The following NFIX variants were observed in gnomAD, a reference collection of about 807,000 sequenced individuals.
NFIX encodes the protein nuclear factor I X.
In NFIX, 2 loss-of-function variants were observed where a neutral mutation model predicts 53.3. The ratio of observed to expected loss-of-function variants is 0.04; its 90% CI spans 0.02 to 0.12. NFIX has a LOEUF of 0.12. NFIX is among the 10% of genes least tolerant of loss of function. The pLI, the probability that NFIX is intolerant of heterozygous loss-of-function variation, is 1.00. For missense variants in NFIX, 310 were observed against 674.5 expected, an observed-to-expected ratio of 0.46 and a Z score of 5.99; for synonymous variants, 244 against 289.0, an observed-to-expected ratio of 0.84 and a Z score of 1.58.
Position 13,066,806 on chromosome 19 carries a change from A to T in NFIX, c.560-6241A>T, listed in dbSNP as rs1250064671. On this transcript the variant is annotated intron_variant, in intron 2 of 10. Coordinates refer to ENST00000592199, the MANE Select transcript of NFIX (RefSeq NM_001365902.3). This position sits in a 1 kb window ranked among gnomAD's most constrained non-coding sequence, Gnocchi z 4.2. ...GCTGGTGGAGCAGGGTGAGGAATGG[A>T]GAGAAGGAGAGGAAGATCCTAGAAG... is the stretch of plus-strand genomic sequence containing the variant. Among the ~76,000 whole-genome samples the T allele has an allele frequency of 6.6e-6, 1 of 151,984 alleles. No homozygotes were observed. Among genetic ancestry groups the T allele is most frequent in the East Asian group, 1.9e-4 (1 of 5,178 alleles).
intron 8 of NFIX, among the ~76,000 whole-genome samples, chr19:13,085,069 C>CA (rs555726363): frequency 0.06 from 3,262 of 54,248 alleles, 151 homozygotes; most frequent in African/African-American, 0.15. Flanking sequence ...GACTCCATCT[C>CA]AAAAAAAAAA....
chr19:13,063,429 G>A (rs1035979885), intron 2 of NFIX, among the ~76,000 whole-genome samples: 2 of 152,074 alleles, frequency 1.3e-5, no homozygotes. Context: ...CAGCCCAGCA[G>A]TTGTGCACAC....
intron 2 of NFIX, among the ~76,000 whole-genome samples, chr19:13,062,443 C>A (rs1482887443): frequency 6.6e-6 from 1 of 152,222 alleles, no homozygotes; most frequent in Non-Finnish European, 1.5e-5. Context: ...TCATCCACTG[C>A]AGCTGTGCTT....
At chr19:13,048,227 T>G (rs2015109774) in intron 2 of NFIX, among the ~76,000 whole-genome samples, 1 of 152,206 alleles carries the variant, frequency 6.6e-6, no homozygotes, top group South Asian at 2.1e-4. Flanking sequence ...CCTTGTGAAC[T>G]CTAAACTCTT....
In NFIX at chr19:13,081,849, C is replaced by G. The variant is rs372077833; in HGVS notation, c.1248C>G (p.Thr416=). Residue 416 remains threonine, a synonymous_variant, in exon 8 of 11, where the codon ACC becomes ACG. Transcript: ENST00000592199. The surrounding 1 kb of genome is among the most constrained non-coding windows in gnomAD (Gnocchi z 4.7). ...GCTCGGATGGCTCGGGCCAGGCCAC[C>G]GGACAGGTGAGTCCAGAGGGCCCCA... ...FVCSDGSGQA[T]GQPNGSGQGK... 89 of 1,613,754 alleles carry G rather than the reference C, an allele frequency of 5.5e-5. No individual in the cohort carries two copies. Among genetic ancestry groups the G allele is most frequent in the Non-Finnish European group, 7.5e-5 (88 of 1,179,892 alleles).
At chr19:13,039,788 T>G (rs558480916) in intron 2 of NFIX, among the ~76,000 whole-genome samples, 1 of 152,230 alleles carries the variant, frequency 6.6e-6, no homozygotes, top group Non-Finnish European at 1.5e-5. Context: ...TATCCGCCTT[T>G]GCATCTGTCT....
intron 2 of NFIX, among the ~76,000 whole-genome samples, chr19:13,047,763 G>GCT (rs1168531446): frequency 6.6e-6 from 1 of 152,064 alleles, no homozygotes; most frequent in Non-Finnish European, 1.5e-5. Context: ...CATGTCCCCT[G>GCT]CTCTCTCTCT....
rs1347446903 is a variant in NFIX, at chr19:13,005,255, A to G, written c.27+9391A>G. On this transcript the variant is annotated intron_variant, in intron 1 of 10. Transcript: ENST00000592199. The surrounding 1 kb of genome is among the most constrained non-coding windows in gnomAD (Gnocchi z 4.7). ...GGTAGAAGAAGATAGGATAATAGCA[A>G]AATAAATGTTTGTCCTAAAAATCGT... Among the ~76,000 whole-genome samples, 1 of 152,264 alleles carries G rather than the reference A, an allele frequency of 6.6e-6. No homozygotes were observed.
In NFIX at chr19:13,060,435, G is replaced by C. The variant is rs755324670; in HGVS notation, c.560-12612G>C. Among the ~76,000 whole-genome samples, 5 of 152,184 alleles carry C rather than the reference G, an allele frequency of 3.3e-5. No individual in the cohort carries two copies. The highest frequency in any genetic ancestry group is 5.9e-5 in the Non-Finnish European group (4 of 68,026). On this transcript the variant is annotated intron_variant, in intron 2 of 10. Coordinates refer to ENST00000592199, the MANE Select transcript of NFIX (RefSeq NM_001365902.3). The surrounding 1 kb of genome is among the most constrained non-coding windows in gnomAD (Gnocchi z 4.3). The stretch of plus-strand genomic sequence containing the variant: ...GCCAGCCTTGCCTCCTGGGGCATCA[G>C]CTCCCAGCTTGTGCTGCACCCTCTG...
chr19:13,046,740 G>A (rs1308869415), intron 2 of NFIX, among the ~76,000 whole-genome samples: 1 of 152,150 alleles, frequency 6.6e-6, no homozygotes, highest in Non-Finnish European at 1.5e-5. Context: ...TTTTGTGTCT[G>A]AGCATGTCTC....
intron 10 of NFIX, among the ~76,000 whole-genome samples, chr19:13,091,401 A>C (rs1304939622): frequency 6.8e-5 from 6 of 88,346 alleles, no homozygotes; most frequent in African/African-American, 2.4e-4. Flanking sequence ...TCCTTCCCTC[A>C]AAAAAAAAAA....
In NFIX at chr19:13,066,883, C is replaced by A. The variant is rs143995158; in HGVS notation, c.560-6164C>A. ...CCTCATCCCCCGGCCCTCTGGCTGC[C>A]CTGCATTCTCAAGGACTTCCTTGGT... is the stretch of plus-strand genomic sequence containing the variant. On this transcript the variant is annotated intron_variant, in intron 2 of 10. Transcript: ENST00000592199. This position sits in a 1 kb window ranked among gnomAD's most constrained non-coding sequence, Gnocchi z 4.2. 5.3e-5 allele frequency among the ~76,000 whole-genome samples: 8 copies of A among 152,262 alleles called. No homozygotes were observed. In the East Asian group the frequency reaches 1.5e-3, roughly 29 times the overall value.
At position 13,001,795 on chromosome 19, in the gene NFIX, G is replaced by T. The variant is rs1044274446; in HGVS notation, c.27+5931G>T. On this transcript the variant is annotated intron_variant, in intron 1 of 10. Coordinates refer to ENST00000592199, the MANE Select transcript of NFIX (RefSeq NM_001365902.3). The surrounding 1 kb of genome is among the most constrained non-coding windows in gnomAD (Gnocchi z 6.5). The stretch of plus-strand genomic sequence containing the variant: ...CCCTTGGCCTCCGAGCACCATGTGA[G>T]ATGCCTGCTATGGCGGCCGGGCAAG... Among the ~76,000 whole-genome samples, 3 of 152,228 alleles carry T rather than the reference G, an allele frequency of 2.0e-5. No homozygotes were observed. The highest frequency in any genetic ancestry group is 1.3e-4 in the Admixed American group (2 of 15,288).
In NFIX at chr19:13,044,829, G is replaced by A. The variant is rs534189380; in HGVS notation, c.559+19277G>A. ...CAGGACTGAGCTGAGTGAGAGGCAAGGGATGGGAGGAACCCAGCCCCACAG... is the reference window on the plus strand; with the variant it reads ...CAGGACTGAGCTGAGTGAGAGGCAAAGGATGGGAGGAACCCAGCCCCACAG... On this transcript the variant is annotated intron_variant, in intron 2 of 10. Transcript: ENST00000592199. Among the ~76,000 whole-genome samples the A allele has an allele frequency of 7.9e-5, 12 of 152,368 alleles. No homozygotes were observed. In the South Asian group the frequency reaches 2.5e-3, roughly 32 times the overall value.
chr19:13,047,532 G>C (rs968233884), intron 2 of NFIX, among the ~76,000 whole-genome samples: 1 of 152,166 alleles, frequency 6.6e-6, no homozygotes, highest in African/African-American at 2.4e-5. Flanking sequence ...GCGAACAAAG[G>C]TGCAGAACAA....
At position 12,996,672 on chromosome 19, in the gene NFIX, C is replaced by G. The variant is rs963960649; in HGVS notation, c.27+808C>G. Among the ~76,000 whole-genome samples, 1 of 152,204 alleles carries G rather than the reference C, an allele frequency of 6.6e-6. No homozygotes were observed. Among genetic ancestry groups the G allele is most frequent in the Non-Finnish European group, 1.5e-5 (1 of 68,024 alleles). On this transcript the variant is annotated intron_variant, in intron 1 of 10. Transcript: ENST00000592199. This position sits in a 1 kb window ranked among gnomAD's most constrained non-coding sequence, Gnocchi z 5.2. ...GCTGCTGCGGAGTGGACCCGGCAGG[C>G]CTGGGGAATCCCGTCCCGTCGCCTG... is the stretch of plus-strand genomic sequence containing the variant.
chr19:13,064,316 C>CA (rs946268281), intron 2 of NFIX, among the ~76,000 whole-genome samples: 7 of 152,236 alleles, frequency 4.6e-5, no homozygotes, highest in Admixed American at 1.3e-4. Flanking sequence ...CTGGCCTGGA[C>CA]GCCCATGGGC....
At position 13,045,486 on chromosome 19, in the gene NFIX, C is replaced by T. The variant is rs2014925933; in HGVS notation, c.559+19934C>T. ...CCCCCCATAGAAGACAGTATCTAGC[C>T]CCAGCATGAGGGGTAATGAGGTTGA... On this transcript the variant is annotated intron_variant, in intron 2 of 10. Coordinates refer to ENST00000592199, the MANE Select transcript of NFIX (RefSeq NM_001365902.3). This position sits in a 1 kb window ranked among gnomAD's most constrained non-coding sequence, Gnocchi z 4.4. Among the ~76,000 whole-genome samples, 1 of 152,022 alleles carries T rather than the reference C, an allele frequency of 6.6e-6. No individual in the cohort carries two copies. The highest frequency in any genetic ancestry group is 1.5e-5 in the Non-Finnish European group (1 of 68,000).
intron 1 of NFIX, among the ~76,000 whole-genome samples, chr19:13,007,127 C>T (rs1484276110): frequency 6.6e-6 from 1 of 152,176 alleles, no homozygotes; most frequent in East Asian, 1.9e-4. Flanking sequence ...CCTTCCTCCC[C>T]CTCTCGCCTG....
Sources: allele counts gnomAD v4.1 joint callset (sites outside exome capture counted in the v4.1 genomes callset), GRCh38; gene constraint gnomAD v4.1.1; non-coding constraint Gnocchi (gnomAD v3.1); transcripts MANE v1.5; gene names NCBI Gene and HGNC (gene_info 2026-07-23, HGNC 2026-07-21).